The following ADAMTS18 variants were observed in gnomAD, a reference collection of about 807,000 sequenced individuals.
ADAMTS18 encodes ADAM metallopeptidase with thrombospondin type 1 motif 18, also known as A disintegrin and metalloproteinase with thrombospondin motifs 18.
Under a neutral mutation model 165.9 loss-of-function variants are expected in ADAMTS18, and 157 were observed. That is an observed-to-expected ratio of 0.95 (90% CI 0.83 to 1.08). ADAMTS18 has a LOEUF of 1.08. Among genes scored for constraint, ADAMTS18 ranks in the 50% least tolerant of loss-of-function variants. The pLI is 0.00. For synonymous variants in ADAMTS18, 782 were observed against 578.2 expected (o/e 1.35, Z -5.06); for missense variants, 2,040 against 1,534.0 (o/e 1.33, Z -5.51).
chr16:77,344,976 T>C (rs1192367077), intron 10 of ADAMTS18, among the ~76,000 whole-genome samples: 1 of 152,094 alleles, frequency 6.6e-6, no homozygotes, highest in East Asian at 1.9e-4. Flanking sequence ...AACTTTCCCT[T>C]ATCTATAATT....
rs936884999 is a variant in ADAMTS18, at chr16:77,369,854, C to T, written c.496-2131G>A. On this transcript the variant is annotated intron_variant, in intron 3 of 22. Coordinates refer to ENST00000282849, the MANE Select transcript of ADAMTS18 (RefSeq NM_199355.4). The stretch of plus-strand genomic sequence containing the variant: ...AAATCCTCAACAAAATACTAGCAAA[C>T]CAAATTCAACAGCACATTAAACAGA... Among the ~76,000 whole-genome samples the T allele has an allele frequency of 7.9e-5, 12 of 152,148 alleles. 1 individual carries two copies. The highest frequency in any genetic ancestry group is 6.5e-4 in the Admixed American group (10 of 15,268).
intron 18 of ADAMTS18, 141 bp from the exon 19 acceptor site, chr16:77,295,268 T>A (rs2055447445): frequency 1.2e-6 from 1 of 862,480 alleles, no homozygotes. Context: ...TAATTGTTCT[T>A]TGAGGGATCC....
chr16:77,294,942 C>A lies in ADAMTS18; in HGVS notation c.2987G>T (p.Ser996Ile), dbSNP rs191328145. 26 of 1,614,160 alleles carry A rather than the reference C, an allele frequency of 1.6e-5. No individual in the cohort carries two copies. The Admixed American group carries it at 4.3e-4, about 27-fold the overall frequency. Residue 996 changes from serine (S) to isoleucine (I), a missense_variant, in exon 19 of 23, where the codon AGC (serine) becomes ATC (isoleucine). Physicochemically the swap from Ser to Ile is moderately radical, Grantham distance 142. Coordinates refer to ENST00000282849, the MANE Select transcript of ADAMTS18 (RefSeq NM_199355.4). ...TGTTACCTGAGACCAGGGTCCAAGG[C>A]TCCATTGTGGAGGGCAGGCATGGCT... Reference protein sequence around the residue: ...CNSHACPPQWSLGPWSQCSKT... With the variant: ...CNSHACPPQWILGPWSQCSKT...
At chr16:77,365,545 T>C (rs1341701779) in intron 4 of ADAMTS18, among the ~76,000 whole-genome samples, 1 of 152,166 alleles carries the variant, frequency 6.6e-6, no homozygotes, top group Non-Finnish European at 1.5e-5. Flanking sequence ...ATTAAACACT[T>C]TTCATAACTG....
chr16:77,416,750 G>A (rs537107566), intron 3 of ADAMTS18, among the ~76,000 whole-genome samples: 1 of 152,184 alleles, frequency 6.6e-6, no homozygotes, highest in Non-Finnish European at 1.5e-5. Context: ...TGAGCTGGTA[G>A]AGAAGAGGAA....
intron 16 of ADAMTS18, among the ~76,000 whole-genome samples, chr16:77,307,687 G>A (rs1023768476): frequency 2.6e-5 from 4 of 152,312 alleles, no homozygotes; most frequent in Admixed American, 6.5e-5. Flanking sequence ...TCTATCATCT[G>A]TTCTGAATTA....
intron 3 of ADAMTS18, among the ~76,000 whole-genome samples, chr16:77,372,878 C>T (rs77733020): frequency 0.086 from 13,044 of 152,122 alleles, 755 homozygotes; most frequent in East Asian, 0.25. Flanking sequence ...AGTCCTTGTC[C>T]AGCACTAATC....
intron 3 of ADAMTS18, among the ~76,000 whole-genome samples, chr16:77,414,011 T>C (rs2057498376): frequency 6.6e-6 from 1 of 152,168 alleles, no homozygotes; most frequent in African/African-American, 2.4e-5. Flanking sequence ...CATAGAAATA[T>C]GATGACATAG....
At chr16:77,312,142 T>C (rs1442174303) in intron 16 of ADAMTS18, among the ~76,000 whole-genome samples, 4 of 152,200 alleles carry the variant, frequency 2.6e-5, no homozygotes, top group Non-Finnish European at 5.9e-5. Context: ...GTCCGTATTA[T>C]TTACAAAGAG....
At chr16:77,284,189 G>A in intron 22 of ADAMTS18, 118 bp from the exon 23 acceptor site, 2 of 666,730 alleles carry the variant, frequency 3.0e-6, no homozygotes, top group Non-Finnish European at 5.3e-6. Context: ...GGTGTGGTGT[G>A]ATCTCCGCTC....
chr16:77,327,366 T>C (rs1161382907), intron 12 of ADAMTS18, among the ~76,000 whole-genome samples: 2 of 152,172 alleles, frequency 1.3e-5, no homozygotes, highest in African/African-American at 2.4e-5. Flanking sequence ...CAAAGTCCAA[T>C]GTATCATTCT....
intron 16 of ADAMTS18, among the ~76,000 whole-genome samples, chr16:77,309,202 G>A (rs367751109): frequency 1.4e-5 from 2 of 146,788 alleles, no homozygotes; most frequent in South Asian, 2.2e-4. Flanking sequence ...GCTAACGTGC[G>A]CATGTAGCTG....
chr16:77,411,122 C>T (rs868536708), intron 3 of ADAMTS18, among the ~76,000 whole-genome samples: 1 of 152,304 alleles, frequency 6.6e-6, no homozygotes, highest in African/African-American at 2.4e-5. Context: ...TATTGTGATG[C>T]TTGATGCTTA....
chr16:77,308,094 G>T (rs1323675456), intron 16 of ADAMTS18, among the ~76,000 whole-genome samples: 2 of 152,098 alleles, frequency 1.3e-5, no homozygotes, highest in Non-Finnish European at 2.9e-5. Flanking sequence ...TCAGCTTCAG[G>T]ATTCTCCCTT....
At chr16:77,355,167 G>A (rs1463356332) in intron 9 of ADAMTS18, among the ~76,000 whole-genome samples, 1 of 151,064 alleles carries the variant, frequency 6.6e-6, no homozygotes, top group African/African-American at 2.4e-5. Context: ...GCATCTAAGT[G>A]TCCTTGTGGG....
intron 22 of ADAMTS18, among the ~76,000 whole-genome samples, chr16:77,289,010 G>C (rs372723098): frequency 6.6e-6 from 1 of 152,124 alleles, no homozygotes; most frequent in African/African-American, 2.4e-5. Context: ...GCATGAACCC[G>C]GGAGGCAGAG....
intron 3 of ADAMTS18, among the ~76,000 whole-genome samples, chr16:77,427,740 A>G (rs906165671): frequency 1.3e-5 from 2 of 152,332 alleles, no homozygotes; most frequent in East Asian, 1.9e-4. Flanking sequence ...TATTCCAAGT[A>G]AGTAACAACT....
At position 77,355,964 on chromosome 16, in the gene ADAMTS18, C is replaced by A. The variant is rs759290262; in HGVS notation, c.1436G>T (p.Arg479Leu). 6.2e-7 allele frequency: 1 copy of A among 1,614,008 alleles called. No homozygotes were observed. The highest frequency in any genetic ancestry group is 8.5e-7 in the Non-Finnish European group (1 of 1,179,948). The change falls in exon 9 of 23, where the codon CGC becomes CTC. Residue 479 changes from arginine to leucine, a missense_variant. Transcript: ENST00000282849. ...CCTGAGGAATTTCTTGAGATACTGG[C>A]GGCTGCAGGAAGACCATGAAAACAC... ...NGVFSWSSCS[R>L]QYLKKFLSTP...
rs886250645 is a variant in ADAMTS18 at position 77,434,896 on chromosome 16, C to A, written c.-201G>T. ...CTGCGCGCCCTCCCTTCTCCCGGCG[C>A]GGGCCTGCCGAGCTGCAGTTTGCGG... On this transcript the variant is annotated 5_prime_UTR_variant, in exon 1 of 23. Transcript: ENST00000282849. The A allele has an allele frequency of 1.0e-4, 43 of 419,838 alleles. No homozygotes were observed. The highest frequency in any genetic ancestry group is 8.6e-4 in the African/African-American group (41 of 47,612). 26.0% of individuals were successfully genotyped at this position (419,838 alleles called of 1,614,324 possible). A position where few individuals can be genotyped will look rare whatever the true frequency, so the allele number is the denominator to read the frequency against.
Sources: gnomAD v4.1 joint callset for allele counts (sites outside exome capture counted in the v4.1 genomes callset) on GRCh38, gnomAD v4.1.1 for gene constraint, MANE v1.5 for transcripts, NCBI Gene and HGNC (gene_info 2026-07-23, HGNC 2026-07-21) for gene names.